GALNT5: variants seen among roughly 807,000 people sequenced by gnomAD.
The protein encoded by GALNT5 is polypeptide N-acetylgalactosaminyltransferase 5, also known as UDP-GalNAc:polypeptide N-acetylgalactosaminyltransferase 5.
Under a neutral mutation model 85.4 loss-of-function variants are expected in GALNT5, and 72 were observed. The ratio of observed to expected loss-of-function variants is 0.84; its 90% CI spans 0.70 to 1.03. The LOEUF is 1.03. Among genes scored for constraint, GALNT5 ranks in the 50% least tolerant of loss-of-function variants. GALNT5 has a pLI of 0.00. For missense variants in GALNT5, 1,137 were observed against 1,135.5 expected (o/e 1.00, Z -0.02); for synonymous variants, 404 against 397.0 (o/e 1.02, Z -0.21).
Position 157,258,096 on chromosome 2 carries a change from G to A in GALNT5, c.14G>A (p.Arg5Gln), listed in dbSNP as rs761786921. ...AAGCTTTGTACCATGAACAGGATCCGAAAGTTTTTCCGAGGAAGTGGGCGA... is the reference window on the plus strand; with the variant it reads ...AAGCTTTGTACCATGAACAGGATCCAAAAGTTTTTCCGAGGAAGTGGGCGA... MNRI[R>Q]KFFRGSGRVL... The change falls in exon 1 of 10, where the codon CGA becomes CAA. Residue 5 changes from arginine to glutamine, a missense_variant. Transcript: ENST00000259056. 4.3e-6 allele frequency: 7 copies of A among 1,613,794 alleles called. No homozygotes were observed. Among genetic ancestry groups the A allele is most frequent in the Admixed American group, 3.3e-5 (2 of 60,020 alleles).
chr2:157,262,990 G>A lies in GALNT5; in HGVS notation c.1454+3454G>A, dbSNP rs187869685. Among the ~76,000 whole-genome samples, 599 of 151,230 alleles carry A rather than the reference G, an allele frequency of 4.0e-3. 23 individuals carry two copies. The highest frequency in any genetic ancestry group is 0.014 in the African/African-American group (560 of 40,740). On this transcript the variant is annotated intron_variant, in intron 1 of 9. Transcript: ENST00000259056. Reference sequence around the variant, plus strand: ...CTACAGGCACCCGCCACCATGCCCAGCTAATTTTTTGTATTTTTAGTAGAG... The same window carrying A: ...CTACAGGCACCCGCCACCATGCCCAACTAATTTTTTGTATTTTTAGTAGAG...
chr2:157,309,373 A>G (rs1270618666), intron 9 of GALNT5, among the ~76,000 whole-genome samples: 1 of 152,196 alleles, frequency 6.6e-6, no homozygotes, highest in African/African-American at 2.4e-5. Context: ...TACTTTTCTG[A>G]AGGTCCAGTT....
chr2:157,300,832 G>T lies in GALNT5; in HGVS notation c.2272G>T (p.Glu758Ter). 6.2e-7 allele frequency: 1 copy of T among 1,614,058 alleles called. No individual in the cohort carries two copies. The highest frequency in any genetic ancestry group is 1.1e-5 in the South Asian group (1 of 91,070). The change falls in exon 7 of 10, where the codon GAG becomes TAG. Residue 758 changes from glutamate to a stop codon, truncating the protein, a stop_gained. Coordinates refer to ENST00000259056, the MANE Select transcript of GALNT5 (RefSeq NM_014568.3). LOFTEE classifies it high-confidence loss of function. Reference sequence around the variant, plus strand: ...CGAGGTCTGGCTGGATGAGTATAAGGAGCTGTTCTATGGCCACGGAGACCA... The same window carrying T: ...CGAGGTCTGGCTGGATGAGTATAAGTAGCTGTTCTATGGCCACGGAGACCA... ...VAEVWLDEYK[E>*]LFYGHGDHLI...
chr2:157,300,966 C>G lies in GALNT5; in HGVS notation c.2406C>G (p.Asp802Glu). The change falls in exon 7 of 10, where the codon GAC becomes GAG. Residue 802 changes from aspartate (D) to glutamate (E), a missense_variant. Transcript: ENST00000259056. ...GGTACTTGGAGAATGTCTTTCCTGA[C>G]TTAAGGGCTCCCATTGTGAGAGCTA... ...FKWYLENVFPDLRAPIVRASG... is the reference protein window; with the variant it reads ...FKWYLENVFPELRAPIVRASG... 8 of 1,613,864 alleles carry G rather than the reference C, an allele frequency of 5.0e-6. No individual in the cohort carries two copies. The highest frequency in any genetic ancestry group is 6.8e-6 in the Non-Finnish European group (8 of 1,179,838).
rs374403954 is a variant in GALNT5 at position 157,299,606 on chromosome 2, G to A, written c.2056G>A (p.Gly686Arg). The change falls in exon 6 of 10, where the codon GGA becomes AGA. Residue 686 changes from glycine (G) to arginine (R), a missense_variant. Gly to Arg is a moderately radical substitution (Grantham distance 125, BLOSUM62 -2). Transcript: ENST00000259056. ...SIDKSYFFEL[G>R]TYDPGLDVWG... is the part of the protein sequence containing the mutation. ...TGACAAAAGTTACTTTTTTGAACTT[G>A]GAACATACGACCCTGGCCTTGATGT... 1 of 1,613,276 alleles carries A rather than the reference G, an allele frequency of 6.2e-7. No individual in the cohort carries two copies. Among genetic ancestry groups the A allele is most frequent in the African/African-American group, 1.3e-5 (1 of 74,904 alleles).
chr2:157,274,600 T>C (rs545089470), intron 1 of GALNT5, among the ~76,000 whole-genome samples: 26 of 152,370 alleles, frequency 1.7e-4, no homozygotes, highest in Non-Finnish European at 7.3e-5. Flanking sequence ...TATTTCTTCA[T>C]GTGTCTGTTG....
intron 3 of GALNT5, among the ~76,000 whole-genome samples, chr2:157,290,090 TA>T (rs1421335654): frequency 0.21 from 2,459 of 11,614 alleles, 116 homozygotes; most frequent in Middle Eastern, 0.5. Flanking sequence ...AAAAAATGTA[TA>T]TATATATATA....
chr2:157,268,641 A>AC (rs1199349374), intron 1 of GALNT5, among the ~76,000 whole-genome samples: 3 of 152,236 alleles, frequency 2.0e-5, no homozygotes, highest in Non-Finnish European at 4.4e-5. Context: ...CTAAAAACTT[A>AC]GTCTCTTGTC....
intron 9 of GALNT5, among the ~76,000 whole-genome samples, chr2:157,310,481 T>C (rs965860939): frequency 6.6e-6 from 1 of 152,154 alleles, no homozygotes; most frequent in African/African-American, 2.4e-5. Context: ...ATCTTTAAAA[T>C]AAATTATTAT....
intron 1 of GALNT5, among the ~76,000 whole-genome samples, chr2:157,281,537 C>A (rs1270627595): frequency 6.6e-6 from 1 of 152,108 alleles, no homozygotes. Context: ...GTGAGCGGCA[C>A]AGTAGAGAAA....
intron 1 of GALNT5, among the ~76,000 whole-genome samples, chr2:157,276,604 A>G (rs1021543303): frequency 1.3e-5 from 2 of 152,074 alleles, no homozygotes; most frequent in African/African-American, 4.8e-5. Flanking sequence ...TTTCTAGTTT[A>G]TTTGCATAGA....
rs1268514394 is a variant in GALNT5, at chr2:157,259,359, T to C, written c.1277T>C (p.Ile426Thr). ...EDSGTHQVLR[I>T]DVTLSPRDPK... Reference sequence around the variant, plus strand: ...AGTGGAACGCACCAGGTGTTAAGAATTGATGTGACACTTTCTCCAAGGGAC... The same window carrying C: ...AGTGGAACGCACCAGGTGTTAAGAACTGATGTGACACTTTCTCCAAGGGAC... The change falls in exon 1 of 10, where the codon ATT becomes ACT. Residue 426 changes from isoleucine (I) to threonine (T), a missense_variant. Transcript: ENST00000259056. 2.6e-6 allele frequency: 4 copies of C among 1,517,662 alleles called. No homozygotes were observed. In the South Asian group the frequency reaches 5.5e-5, roughly 21 times the overall value. The allele number at this position is 1,517,662 out of a possible 1,614,324, so 94.0% of individuals were successfully genotyped here. A position where few individuals can be genotyped will look rare whatever the true frequency, so the allele number is the denominator to read the frequency against.
At chr2:157,308,207 G>A (rs1480781544) in intron 8 of GALNT5, among the ~76,000 whole-genome samples, 1 of 152,136 alleles carries the variant, frequency 6.6e-6, no homozygotes, top group Non-Finnish European at 1.5e-5. Context: ...GGCTTGTCGG[G>A]ATTCAGAACA....
intron 5 of GALNT5, among the ~76,000 whole-genome samples, chr2:157,297,822 C>T (rs1683247629): frequency 6.6e-6 from 1 of 152,094 alleles, no homozygotes; most frequent in Admixed American, 6.6e-5. Context: ...GAAGTGATTC[C>T]AGTCTTGGCT....
At chr2:157,295,602 G>T (rs1011506121) in intron 3 of GALNT5, 61 bp from the exon 4 acceptor site, 5 of 1,348,940 alleles carry the variant, frequency 3.7e-6, no homozygotes, top group Non-Finnish European at 4.2e-6. Flanking sequence ...CTTTGAACAT[G>T]AAGTACACAC....
rs1407333256 is a variant in GALNT5, at chr2:157,316,309, C to T, written c.*4961C>T. 6.6e-6 allele frequency among the ~76,000 whole-genome samples: 1 copy of T among 151,782 alleles called. No homozygotes were observed. Among genetic ancestry groups the T allele is most frequent in the Non-Finnish European group, 1.5e-5 (1 of 67,968 alleles). ...CTGCTTTTTGTTAGAAAATAAGTGG[C>T]TTGGGGGCTGCTTTTTATTAAAGGA... On this transcript the variant is annotated 3_prime_UTR_variant, in exon 10 of 10. Coordinates refer to ENST00000259056, the MANE Select transcript of GALNT5 (RefSeq NM_014568.3).
intron 1 of GALNT5, among the ~76,000 whole-genome samples, chr2:157,263,170 G>A (rs1682386647): frequency 6.6e-6 from 1 of 151,590 alleles, no homozygotes; most frequent in African/African-American, 2.4e-5. Flanking sequence ...CTGTTCTCAG[G>A]GTTACTCACA....
intron 3 of GALNT5, among the ~76,000 whole-genome samples, chr2:157,288,403 TA>T (rs1439039369): frequency 5.9e-5 from 9 of 152,206 alleles, no homozygotes; most frequent in African/African-American, 2.2e-4. Flanking sequence ...ATAAATGACG[TA>T]AAAATAGGAT....
chr2:157,289,387 TG>T (rs1179414711), intron 3 of GALNT5, among the ~76,000 whole-genome samples: 1 of 152,350 alleles, frequency 6.6e-6, no homozygotes, highest in East Asian at 1.9e-4. Flanking sequence ...GACAATGGCT[TG>T]TGTAGAAATA....
Sources: allele counts gnomAD v4.1 joint callset (sites outside exome capture counted in the v4.1 genomes callset), GRCh38; gene constraint gnomAD v4.1.1; transcripts MANE v1.5; gene names NCBI Gene and HGNC (gene_info 2026-07-23, HGNC 2026-07-21).